The following DACH2 variants were observed in gnomAD, a reference collection of about 807,000 sequenced individuals.
The protein encoded by DACH2 is dachshund homolog 2.
Under a neutral mutation model 35.8 loss-of-function variants are expected in DACH2, and 17 were observed. The observed-to-expected ratio is 0.48, with a 90% CI of 0.33 to 0.71. The LOEUF is 0.71. Ranked by LOEUF, DACH2 falls within the 30% of genes least tolerant of loss-of-function variation. DACH2 has a pLI of 0.02. For missense variants in DACH2, 469 were observed against 472.7 expected, an observed-to-expected ratio of 0.99 and a Z score of 0.07; for synonymous variants, 195 against 177.3, an observed-to-expected ratio of 1.10 and a Z score of -0.79.
In DACH2 at chrX:86,475,144, T is replaced by C. The variant is rs2037822780; in HGVS notation, c.528-39135T>C. ...CCAATTTTGTTGTTTTTACTCGGGA[T>C]AGTTTTGGTTATTCTGGGTCTTTTG... On this transcript the variant is annotated intron_variant, in intron 2 of 11. Transcript: ENST00000373125. 2.7e-5 allele frequency among the ~76,000 whole-genome samples: 3 copies of C among 111,582 alleles called. No individual in the cohort carries two copies. The Admixed American group carries it at 2.9e-4, about 11-fold the overall frequency.
intron 2 of DACH2, among the ~76,000 whole-genome samples, chrX:86,510,517 A>G (rs2038381799): frequency 8.9e-6 from 1 of 112,077 alleles, no homozygotes; most frequent in Non-Finnish European, 1.9e-5. Context: ...AAGCTGGGTG[A>G]GTATTTCATT....
intron 1 of DACH2, among the ~76,000 whole-genome samples, chrX:86,362,810 A>G (rs1051132387): frequency 4.5e-5 from 5 of 111,411 alleles, no homozygotes; most frequent in African/African-American, 1.6e-4. Flanking sequence ...GTTGCTAAAC[A>G]GGTGATTTTT....
chrX:86,566,179 GA>G (rs1458823313), intron 3 of DACH2, among the ~76,000 whole-genome samples: 1 of 111,595 alleles, frequency 9.0e-6, no homozygotes, highest in Non-Finnish European at 1.9e-5. Flanking sequence ...AAAAATAATA[GA>G]CTTTCTCAAA....
At chrX:86,231,402 G>A (rs1214768859) in intron 1 of DACH2, among the ~76,000 whole-genome samples, 2 of 110,533 alleles carry the variant, frequency 1.8e-5, no homozygotes, top group South Asian at 3.9e-4. Flanking sequence ...AGGTAGGGGC[G>A]GGGCTAGGTG....
intron 2 of DACH2, among the ~76,000 whole-genome samples, chrX:86,479,009 G>A (rs2037893532): frequency 9.0e-6 from 1 of 110,844 alleles, no homozygotes; most frequent in African/African-American, 3.3e-5. Context: ...ATTGAGTGGT[G>A]GAAGTTGCTC....
chrX:86,301,538 C>CA lies in DACH2; in HGVS notation c.489-75282dup, dbSNP rs1281087755. ...TTTAATTACAAGGTAATGTAGTCAT[C>CA]AAAATGTCATTGTGGTAACTGACAG... On this transcript the variant is annotated intron_variant, in intron 1 of 11. Transcript: ENST00000373125. 2.7e-5 allele frequency among the ~76,000 whole-genome samples: 3 copies of CA among 111,776 alleles called. No individual in the cohort carries two copies. In the East Asian group the frequency reaches 8.4e-4, roughly 31 times the overall value.
chrX:86,294,300 T>C (rs1019009138), intron 1 of DACH2, among the ~76,000 whole-genome samples: 1 of 111,128 alleles, frequency 9.0e-6, no homozygotes. Context: ...CTTCTCTGTG[T>C]TGATTATTCT....
intron 1 of DACH2, among the ~76,000 whole-genome samples, chrX:86,251,461 C>T (rs2033399356): frequency 9.1e-6 from 1 of 110,469 alleles, no homozygotes; most frequent in African/African-American, 3.3e-5. Context: ...ACACTGAACC[C>T]AGTTTGTAGT....
At chrX:86,610,056 G>A (rs1246692326) in intron 3 of DACH2, among the ~76,000 whole-genome samples, 6 of 111,802 alleles carry the variant, frequency 5.4e-5, no homozygotes, top group African/African-American at 2.0e-4. Flanking sequence ...AGGCAACGAG[G>A]TCCCCTAGGC....
intron 2 of DACH2, among the ~76,000 whole-genome samples, chrX:86,400,060 C>T (rs1254916498): frequency 3.6e-5 from 4 of 111,700 alleles, no homozygotes; most frequent in African/African-American, 9.8e-5. Context: ...TCCCATATTT[C>T]TTGGAGGCTT....
intron 1 of DACH2, among the ~76,000 whole-genome samples, chrX:86,373,453 T>A (rs1482166119): frequency 9.0e-6 from 1 of 111,039 alleles, no homozygotes; most frequent in East Asian, 2.8e-4. Context: ...TATGTCCCCA[T>A]GAGGATAAAA....
chrX:86,230,142 G>A (rs770171512), intron 1 of DACH2, among the ~76,000 whole-genome samples: 1 of 110,680 alleles, frequency 9.0e-6, no homozygotes, highest in African/African-American at 3.3e-5. Context: ...TCCCTTGTAT[G>A]CTGATTTTGC....
chrX:86,154,041 GAAATACCTAGTTCCTATAGAAGAT>G (rs926124890), intron 1 of DACH2, among the ~76,000 whole-genome samples: 4 of 111,448 alleles, frequency 3.6e-5, no homozygotes, highest in African/African-American at 1.3e-4. Flanking sequence ...TTTTACACAG[GAAATACCTAGTTCCTATAGAAGAT>G]ATCAAGTCTG....
intron 3 of DACH2, among the ~76,000 whole-genome samples, chrX:86,563,882 A>C (rs1178160552): frequency 9.0e-6 from 1 of 111,492 alleles, no homozygotes; most frequent in Non-Finnish European, 1.9e-5. Flanking sequence ...ACAAATAGCT[A>C]TAAAAATCAC....
intron 6 of DACH2, among the ~76,000 whole-genome samples, chrX:86,716,304 T>G (rs1317817586): frequency 8.9e-6 from 1 of 111,972 alleles, no homozygotes; most frequent in Non-Finnish European, 1.9e-5. Flanking sequence ...GAGAAGAAAA[T>G]TACCCATGAA....
chrX:86,323,035 G>C (rs1185458229), intron 1 of DACH2, among the ~76,000 whole-genome samples: 1 of 112,759 alleles, frequency 8.9e-6, no homozygotes, highest in Non-Finnish European at 1.9e-5. Flanking sequence ...GAATTGGAAA[G>C]CTAGAGAGAG....
At chrX:86,578,108 ATTGGTGTCTGGTG>A (rs1321304887) in intron 3 of DACH2, among the ~76,000 whole-genome samples, 13 of 111,263 alleles carry the variant, frequency 1.2e-4, no homozygotes, top group African/African-American at 3.9e-4. Context: ...CCCAGGCTTG[ATTGGTGTCTGGTG>A]GAGAGGTCAG....
At chrX:86,384,594 T>G (rs1341372715) in intron 2 of DACH2, among the ~76,000 whole-genome samples, 1 of 112,044 alleles carries the variant, frequency 8.9e-6, no homozygotes, top group Admixed American at 9.5e-5. Context: ...TCCCAGTGTA[T>G]GAGGACTCTA....
chrX:86,248,788 C>T (rs936698666), intron 1 of DACH2, among the ~76,000 whole-genome samples: 1 of 110,805 alleles, frequency 9.0e-6, no homozygotes, highest in Admixed American at 9.6e-5. Flanking sequence ...TACCCAACTT[C>T]AGACTATACT....
Sources: gnomAD v4.1 joint callset for allele counts (sites outside exome capture counted in the v4.1 genomes callset) on GRCh38, gnomAD v4.1.1 for gene constraint, MANE v1.5 for transcripts, NCBI Gene and HGNC (gene_info 2026-07-23, HGNC 2026-07-21) for gene names.